XPO6: variants seen among roughly 807,000 people sequenced by gnomAD.
The protein encoded by XPO6 is exportin-6.
In XPO6, 3 loss-of-function variants were observed where a neutral mutation model predicts 130.0. The observed-to-expected ratio is 0.02, with a 90% confidence interval of 0.01 to 0.06. XPO6 has a LOEUF of 0.06. Among genes scored for constraint, XPO6 ranks in the 10% least tolerant of loss-of-function variants. The pLI is 1.00. For synonymous variants in XPO6, 524 were observed against 548.9 expected (o/e 0.95, Z 0.63); for missense variants, 970 against 1,393.0 (o/e 0.70, Z 4.83).
intron 9 of XPO6, 112 bp downstream of exon 9, chr16:28,145,982 A>T (rs2042975750): frequency 1.4e-6 from 1 of 719,394 alleles, no homozygotes; most frequent in Non-Finnish European, 2.4e-6. Context: ...TTGCCTAAAC[A>T]GCTTACATGA....
chr16:28,180,143 G>C (rs2043592351), intron 2 of XPO6, among the ~76,000 whole-genome samples: 2 of 152,164 alleles, frequency 1.3e-5, no homozygotes, highest in Non-Finnish European at 1.5e-5. Context: ...GAGGTGGGCA[G>C]ATCTCTTGAG....
chr16:28,143,284 G>A (rs887313829), intron 9 of XPO6, among the ~76,000 whole-genome samples: 4 of 152,166 alleles, frequency 2.6e-5, no homozygotes, highest in Non-Finnish European at 5.9e-5. Flanking sequence ...CACAACCACA[G>A]TCTAAAGGCA....
chr16:28,125,368 T>C (rs570941320), intron 13 of XPO6, among the ~76,000 whole-genome samples: 2 of 152,364 alleles, frequency 1.3e-5, no homozygotes, highest in South Asian at 4.1e-4. Flanking sequence ...TGTTTACATT[T>C]ATACACAAGA....
chr16:28,124,214 C>T (rs184587840), intron 13 of XPO6, among the ~76,000 whole-genome samples: 60 of 152,160 alleles, frequency 3.9e-4, no homozygotes, highest in East Asian at 1.7e-3. Flanking sequence ...CATGTCCCCA[C>T]GCCCGGCTAA....
intron 23 of XPO6, among the ~76,000 whole-genome samples, chr16:28,099,624 T>TG (rs1201692019): frequency 6.6e-6 from 1 of 152,158 alleles, no homozygotes; most frequent in African/African-American, 2.4e-5. Flanking sequence ...ATCTGTGAAA[T>TG]GGGGGAGTAA....
Position 28,106,500 on chromosome 16 carries a change from G to A in XPO6, c.2498-3C>T. Reference sequence around the variant, plus strand: ...GCTCAGCATCTCATCAGTCACATCTGAGGAAAGGGGCAGAGATATCGTCAG... The same window carrying A: ...GCTCAGCATCTCATCAGTCACATCTAAGGAAAGGGGCAGAGATATCGTCAG... On this transcript the variant is annotated splice_polypyrimidine_tract_variant and splice_region_variant and intron_variant, in intron 18 of 23. Transcript: ENST00000304658. The surrounding 1 kb of genome is among the most constrained non-coding windows in gnomAD (Gnocchi z 4.2). 6.2e-7 allele frequency: 1 copy of A among 1,612,216 alleles called. No individual in the cohort carries two copies. Among genetic ancestry groups the A allele is most frequent in the Non-Finnish European group, 8.5e-7 (1 of 1,178,438 alleles).
At chr16:28,155,232 C>T (rs2043164794) in intron 7 of XPO6, among the ~76,000 whole-genome samples, 1 of 152,154 alleles carries the variant, frequency 6.6e-6, no homozygotes, top group Non-Finnish European at 1.5e-5. Flanking sequence ...ATATTAGCAA[C>T]TTTTGCTGCC....
chr16:28,209,857 A>G (rs1187945341), intron 1 of XPO6, among the ~76,000 whole-genome samples: 1 of 151,910 alleles, frequency 6.6e-6, no homozygotes, highest in African/African-American at 2.4e-5. Flanking sequence ...ACATAGACTC[A>G]GCTGTGCACG....
At chr16:28,187,436 C>A (rs1361089407) in intron 1 of XPO6, among the ~76,000 whole-genome samples, 2 of 152,030 alleles carry the variant, frequency 1.3e-5, no homozygotes, top group African/African-American at 2.4e-5. Flanking sequence ...TCAGGTTCCC[C>A]AAGTTTGAAT....
At position 28,113,021 on chromosome 16, in the gene XPO6, G is replaced by A. The variant is rs2141250090; in HGVS notation, c.2034C>T (p.Cys678=). The A allele has an allele frequency of 6.2e-7, 1 of 1,614,094 alleles. No individual in the cohort carries two copies. Among genetic ancestry groups the A allele is most frequent in the South Asian group, 1.1e-5 (1 of 91,072 alleles). ...KVQDKLLLSA[C]HLLVSLATTV... is the part of the protein sequence containing the mutation. ...TGGTGGCCAGTGAGACCAGTAAGTG[G>A]CACGCAGATAGCAGCAGCTTGTCTT... Residue 678 remains cysteine, a synonymous_variant, in exon 16 of 24, where the codon TGC becomes TGT. Transcript: ENST00000304658.
intron 20 of XPO6, 182 bp downstream of exon 20, chr16:28,105,861 C>A: frequency 1.1e-6 from 1 of 879,600 alleles, no homozygotes; most frequent in South Asian, 1.9e-5. Flanking sequence ...CTCCAATGAA[C>A]TCAATCAATA....
At chr16:28,179,805 GAACTGA>G (rs1477235734) in intron 2 of XPO6, among the ~76,000 whole-genome samples, 1 of 152,154 alleles carries the variant, frequency 6.6e-6, no homozygotes, top group Non-Finnish European at 1.5e-5. Context: ...GGTACAAAGA[GAACTGA>G]ACTAAGACAA....
intron 1 of XPO6, among the ~76,000 whole-genome samples, chr16:28,195,421 T>C (rs1230415983): frequency 6.6e-6 from 1 of 152,124 alleles, no homozygotes; most frequent in Non-Finnish European, 1.5e-5. Context: ...CCATGAAAAC[T>C]ACTCACCTAA....
intron 1 of XPO6, among the ~76,000 whole-genome samples, chr16:28,189,913 T>C (rs1006428121): frequency 6.6e-6 from 1 of 152,246 alleles, no homozygotes; most frequent in African/African-American, 2.4e-5. Flanking sequence ...CTCTATTATT[T>C]CTTGGGTTTG....
In XPO6 at chr16:28,204,498, A is replaced by G. The variant is rs540200527; in HGVS notation, c.3+6868T>C. 5.9e-5 allele frequency among the ~76,000 whole-genome samples: 9 copies of G among 152,148 alleles called. No individual in the cohort carries two copies. The South Asian group carries it at 1.9e-3, about 32-fold the overall frequency. ...AGAAGGTCTGAAGAGCAGTAAGAAG[A>G]CCGAGGGAGCTGCAGCACAGCCAGT... is the stretch of plus-strand genomic sequence containing the variant. On this transcript the variant is annotated intron_variant, in intron 1 of 23. Coordinates refer to ENST00000304658, the MANE Select transcript of XPO6 (RefSeq NM_015171.4).
intron 1 of XPO6, among the ~76,000 whole-genome samples, chr16:28,189,950 T>C (rs1297660971): frequency 2.0e-5 from 3 of 152,234 alleles, no homozygotes; most frequent in Admixed American, 2.0e-4. Context: ...AGATTGTCTG[T>C]CTCTTCCTCT....
chr16:28,105,331 G>A (rs1387576579), intron 20 of XPO6, among the ~76,000 whole-genome samples: 4 of 152,164 alleles, frequency 2.6e-5, no homozygotes, highest in African/African-American at 9.7e-5. Context: ...TTTTCTCATT[G>A]ACTCCAACTC....
intron 12 of XPO6, among the ~76,000 whole-genome samples, chr16:28,130,246 G>A (rs187701929): frequency 6.6e-6 from 1 of 152,354 alleles, no homozygotes; most frequent in East Asian, 1.9e-4. Flanking sequence ...TGTCATACAC[G>A]GTCACAGCAC....
chr16:28,101,385 T>C lies in XPO6; in HGVS notation c.3276+73A>G. The C allele has an allele frequency of 1.4e-6, 2 of 1,382,374 alleles. No homozygotes were observed. Among genetic ancestry groups the C allele is most frequent in the Non-Finnish European group, 2.1e-6 (2 of 975,082 alleles). 85.6% of individuals were successfully genotyped at this position (1,382,374 alleles called of 1,614,324 possible). ...CGCCCAGAGGCCTCAATGTGCCCCC[T>C]CCTTGCTGCACAGGTGCCAGGCTTG... On this transcript the variant is annotated intron_variant, in intron 23 of 23. Transcript: ENST00000304658. This position sits in a 1 kb window ranked among gnomAD's most constrained non-coding sequence, Gnocchi z 5.4.
Sources: gnomAD v4.1 joint callset for allele counts (sites outside exome capture counted in the v4.1 genomes callset) on GRCh38, gnomAD v4.1.1 for gene constraint, Gnocchi (gnomAD v3.1) non-coding constraint, MANE v1.5 for transcripts, NCBI Gene and HGNC (gene_info 2026-07-23, HGNC 2026-07-21) for gene names.